Variants in ROBO2 observed in about 807,000 individuals in gnomAD.
The protein encoded by ROBO2 is roundabout guidance receptor 2.
In ROBO2, 53 loss-of-function variants were observed where a neutral mutation model predicts 160.8. The ratio of observed to expected loss-of-function variants is 0.33; its 90% CI spans 0.26 to 0.41. ROBO2 has a LOEUF of 0.41. Among genes scored for constraint, ROBO2 ranks in the 10% least tolerant of loss-of-function variants. The pLI is 1.00. For missense variants in ROBO2, 1,577 were observed against 1,722.4 expected, an observed-to-expected ratio of 0.92 and a Z score of 1.49; for synonymous variants, 664 against 611.7, an observed-to-expected ratio of 1.09 and a Z score of -1.26.
chr3:77,057,347 A>T (rs1158349862), intron 1 of ROBO2, among the ~76,000 whole-genome samples: 2 of 152,040 alleles, frequency 1.3e-5, no homozygotes, highest in Non-Finnish European at 2.9e-5. Flanking sequence ...GCATTAGGAG[A>T]TATACCTAAT....
intron 2 of ROBO2, among the ~76,000 whole-genome samples, chr3:76,033,083 G>A (rs1354856652): frequency 1.6e-5 from 2 of 128,084 alleles, no homozygotes; most frequent in South Asian, 2.8e-4. Flanking sequence ...CCAAAACATC[G>A]TAAAATGGAT....
intron 2 of ROBO2, among the ~76,000 whole-genome samples, chr3:76,232,301 A>G (rs891794447): frequency 6.6e-6 from 1 of 152,238 alleles, no homozygotes; most frequent in Admixed American, 6.5e-5. Context: ...GACTAGAACT[A>G]AAGATAATTT....
chr3:77,482,379 G>A (rs1360232912), intron 4 of ROBO2, among the ~76,000 whole-genome samples: 1 of 152,052 alleles, frequency 6.6e-6, no homozygotes, highest in Non-Finnish European at 1.5e-5. Context: ...GGTGTAATGG[G>A]AGTGCCACTA....
At chr3:76,947,824 T>C (rs1322856193) in intron 2 of ROBO2, among the ~76,000 whole-genome samples, 1 of 152,214 alleles carries the variant, frequency 6.6e-6, no homozygotes. Context: ...CAAGTTCTGA[T>C]ATTATTTTGT....
chr3:76,623,384 C>G (rs2089369191), intron 2 of ROBO2, among the ~76,000 whole-genome samples: 2 of 152,026 alleles, frequency 1.3e-5, no homozygotes, highest in Non-Finnish European at 2.9e-5. Context: ...TTAGAGTAAC[C>G]TTGGTAGAAA....
chr3:76,622,371 G>T (rs1295172884), intron 2 of ROBO2, among the ~76,000 whole-genome samples: 1 of 152,098 alleles, frequency 6.6e-6, no homozygotes, highest in South Asian at 2.1e-4. Flanking sequence ...AGGCTAAGGT[G>T]GGAGGATTGC....
chr3:77,129,292 T>C (rs992619546), intron 2 of ROBO2, among the ~76,000 whole-genome samples: 12 of 152,192 alleles, frequency 7.9e-5, no homozygotes, highest in African/African-American at 2.7e-4. Flanking sequence ...ATCAAGCTAT[T>C]AGGTTTATGC....
intron 2 of ROBO2, among the ~76,000 whole-genome samples, chr3:77,281,161 A>G (rs1016613168): frequency 1.3e-5 from 2 of 152,230 alleles, no homozygotes; most frequent in Admixed American, 6.5e-5. Flanking sequence ...TGTATAATCA[A>G]TCCTAGCTGA....
intron 2 of ROBO2, among the ~76,000 whole-genome samples, chr3:76,887,210 T>TTTTTTTTTTC: frequency 7.1e-6 from 1 of 141,836 alleles, no homozygotes; most frequent in East Asian, 2.1e-4. Flanking sequence ...TTTTTTTTTT[T>TTTTTTTTTTC]TTTTTTTTTT....
intron 2 of ROBO2, among the ~76,000 whole-genome samples, chr3:76,931,817 A>C (rs1475474791): frequency 6.6e-6 from 1 of 151,904 alleles, no homozygotes; most frequent in African/African-American, 2.4e-5. Flanking sequence ...AGAACCTGGG[A>C]TTACAGGCAC....
At chr3:76,906,933 T>C (rs114599558) in intron 2 of ROBO2, among the ~76,000 whole-genome samples, 56 of 152,282 alleles carry the variant, frequency 3.7e-4, no homozygotes, top group African/African-American at 1.3e-3. Flanking sequence ...ATTTAGACTT[T>C]ATGAAAAATG....
chr3:76,006,377 C>G (rs1421307834), intron 2 of ROBO2, among the ~76,000 whole-genome samples: 3 of 152,028 alleles, frequency 2.0e-5, no homozygotes, highest in African/African-American at 7.2e-5. Flanking sequence ...ACATTTCTTA[C>G]CATTTTTAGC....
At chr3:76,208,719 C>A (rs1202543370) in intron 2 of ROBO2, among the ~76,000 whole-genome samples, 1 of 152,088 alleles carries the variant, frequency 6.6e-6, no homozygotes, top group Non-Finnish European at 1.5e-5. Flanking sequence ...ATAAATTCTG[C>A]CCTTAGATAC....
chr3:76,420,180 A>G (rs1212956524), intron 2 of ROBO2, among the ~76,000 whole-genome samples: 1 of 152,212 alleles, frequency 6.6e-6, no homozygotes, highest in East Asian at 1.9e-4. Flanking sequence ...TTATCATTAC[A>G]CTATTTTCTA....
chr3:77,434,154 C>A (rs2079061692), intron 2 of ROBO2, among the ~76,000 whole-genome samples: 1 of 152,098 alleles, frequency 6.6e-6, no homozygotes, highest in Non-Finnish European at 1.5e-5. Flanking sequence ...CAGCTCTCTT[C>A]TTGGCCTTTT....
In ROBO2 at chr3:75,993,809, A is replaced by G. The variant is rs192726735; in HGVS notation, c.109+56207A>G. Among the ~76,000 whole-genome samples, 134 of 152,266 alleles carry G rather than the reference A, an allele frequency of 8.8e-4. 1 individual carries two copies. In the Middle Eastern group the frequency reaches 0.01, roughly 12 times the overall value. ...GTGGTCATGGTATCCAAAAACATAC[A>G]GGCTTCCAGAGGCCTGTTGATTTAC... is the stretch of plus-strand genomic sequence containing the variant. On this transcript the variant is annotated intron_variant, in intron 2 of 26. Coordinates refer to the ROBO2 transcript ENST00000487694.
At chr3:77,356,953 T>C (rs1483709117) in intron 2 of ROBO2, among the ~76,000 whole-genome samples, 1 of 152,132 alleles carries the variant, frequency 6.6e-6, no homozygotes, top group East Asian at 1.9e-4. Flanking sequence ...TGGAGTAACA[T>C]GAGGAAATAT....
chr3:76,205,218 T>G (rs1702741813), intron 2 of ROBO2, among the ~76,000 whole-genome samples: 1 of 152,180 alleles, frequency 6.6e-6, no homozygotes, highest in Non-Finnish European at 1.5e-5. Context: ...CCTAGCACAA[T>G]TCCCAGCTCT....
At chr3:77,065,708 G>T (rs2066769434) in intron 1 of ROBO2, among the ~76,000 whole-genome samples, 1 of 152,094 alleles carries the variant, frequency 6.6e-6, no homozygotes, top group South Asian at 2.1e-4. Flanking sequence ...TAATGTTATT[G>T]TTTGCATTAG....
Sources: allele counts gnomAD v4.1 joint callset (sites outside exome capture counted in the v4.1 genomes callset), GRCh38; gene constraint gnomAD v4.1.1; transcripts MANE v1.5; gene names NCBI Gene and HGNC (gene_info 2026-07-23, HGNC 2026-07-21).